ZFYVE28: variants seen among roughly 807,000 people sequenced by gnomAD.
ZFYVE28 encodes the protein lateral signaling target protein 2 homolog.
Under a neutral mutation model 82.1 loss-of-function variants are expected in ZFYVE28, and 40 were observed. That is an observed-to-expected ratio of 0.49 (90% CI 0.38 to 0.63). The LOEUF (loss-of-function observed/expected upper bound fraction) is 0.63. Ranked by LOEUF, ZFYVE28 falls within the 30% of genes least tolerant of loss-of-function variation. The pLI is 0.00. For missense variants in ZFYVE28, 1,321 were observed against 1,242.1 expected (o/e 1.06, Z -0.96); for synonymous variants, 612 against 546.1 (o/e 1.12, Z -1.68).
intron 2 of ZFYVE28, among the ~76,000 whole-genome samples, chr4:2,348,568 A>G (rs1578198526): frequency 6.6e-6 from 1 of 152,374 alleles, no homozygotes; most frequent in Non-Finnish European, 1.5e-5. Context: ...TAAAAGGATA[A>G]TGTACCATGA....
chr4:2,308,661 G>A (rs1489838703), intron 7 of ZFYVE28, among the ~76,000 whole-genome samples: 1 of 100,022 alleles, frequency 1.0e-5, no homozygotes, highest in African/African-American at 4.3e-5. Context: ...AAGAAAGAAA[G>A]AAAGAAAGAA....
At chr4:2,347,871 T>G (rs759486179) in intron 2 of ZFYVE28, among the ~76,000 whole-genome samples, 2 of 152,100 alleles carry the variant, frequency 1.3e-5, no homozygotes, top group Non-Finnish European at 2.9e-5. Flanking sequence ...ATAAAGGTTC[T>G]GTTTTTAAGT....
chr4:2,414,607 CCCAGCCAG>C (rs1280114118), intron 1 of ZFYVE28, among the ~76,000 whole-genome samples: 9 of 152,192 alleles, frequency 5.9e-5, no homozygotes, highest in Non-Finnish European at 1.0e-4. Flanking sequence ...ACCCCATCCA[CCCAGCCAG>C]CATAACCCAC....
chr4:2,325,721 C>A (rs878871722), intron 6 of ZFYVE28, among the ~76,000 whole-genome samples: 1 of 151,494 alleles, frequency 6.6e-6, no homozygotes, highest in Admixed American at 6.6e-5. Context: ...CTCGTCTTAG[C>A]CTCCGAAGTG....
At chr4:2,326,096 C>G (rs1360896040) in intron 6 of ZFYVE28, among the ~76,000 whole-genome samples, 1 of 152,136 alleles carries the variant, frequency 6.6e-6, no homozygotes, top group African/African-American at 2.4e-5. Context: ...CTTCTCTTAC[C>G]TGCACTTTGG....
intron 2 of ZFYVE28, among the ~76,000 whole-genome samples, chr4:2,343,849 G>C (rs975779438): frequency 1.3e-5 from 2 of 152,234 alleles, no homozygotes; most frequent in African/African-American, 2.4e-5. Flanking sequence ...GAACATAGCT[G>C]CCTGAGGGAA....
intron 1 of ZFYVE28, among the ~76,000 whole-genome samples, chr4:2,376,436 ACT>A (rs759020629): frequency 9.3e-5 from 14 of 150,452 alleles, no homozygotes; most frequent in Non-Finnish European, 1.6e-4. Flanking sequence ...CCATTCTCAC[ACT>A]GTTATGAAGA....
At chr4:2,364,187 C>T (rs1726543971) in intron 1 of ZFYVE28, among the ~76,000 whole-genome samples, 1 of 152,222 alleles carries the variant, frequency 6.6e-6, no homozygotes, top group African/African-American at 2.4e-5. Flanking sequence ...AAGGTGTTGC[C>T]TGGTGTGGCA....
At chr4:2,404,863 T>C (rs796495718) in intron 1 of ZFYVE28, among the ~76,000 whole-genome samples, 6 of 125,840 alleles carry the variant, frequency 4.8e-5, no homozygotes, top group Non-Finnish European at 7.1e-5. Context: ...CGCTCTTTTT[T>C]TTTTTTTTTT....
At chr4:2,280,654 G>C (rs915995742) in intron 8 of ZFYVE28, among the ~76,000 whole-genome samples, 3 of 152,230 alleles carry the variant, frequency 2.0e-5, no homozygotes, top group African/African-American at 7.2e-5. Flanking sequence ...ATTTTCTAAA[G>C]TCTCATCGCG....
In ZFYVE28 at chr4:2,339,075, G is replaced by A. The variant is rs971321088; in HGVS notation, c.521+378C>T. Among the ~76,000 whole-genome samples the A allele has an allele frequency of 6.6e-6, 1 of 152,170 alleles. No homozygotes were observed. Among genetic ancestry groups the A allele is most frequent in the Admixed American group, 6.5e-5 (1 of 15,288 alleles). ...GATCCGCCTGCCTCGGCCTCTCAAC[G>A]TGCTGGGATTACAGGCGTGAGCCAC... On this transcript the variant is annotated intron_variant, in intron 4 of 12. Transcript: ENST00000290974. This position sits in a 1 kb window ranked among gnomAD's most constrained non-coding sequence, Gnocchi z 5.0.
chr4:2,330,400 C>CAGAGG (rs1720480245), intron 6 of ZFYVE28: 35 of 1,031,830 alleles, frequency 3.4e-5, no homozygotes, highest in Non-Finnish European at 4.0e-5. Flanking sequence ...GGGGACAGTG[C>CAGAGG]AGAGGAGAGG....
intron 7 of ZFYVE28, among the ~76,000 whole-genome samples, chr4:2,306,230 C>T (rs1716548731): frequency 6.6e-6 from 1 of 152,232 alleles, no homozygotes; most frequent in Non-Finnish European, 1.5e-5. Context: ...GAGCAGGCTC[C>T]TACAGGCCGA....
chr4:2,308,960 T>A (rs1235440880), intron 7 of ZFYVE28, among the ~76,000 whole-genome samples: 1 of 152,206 alleles, frequency 6.6e-6, no homozygotes, highest in Non-Finnish European at 1.5e-5. Flanking sequence ...GTCTTGGACA[T>A]CGTTAATTTG....
At position 2,418,482 on chromosome 4, in the gene ZFYVE28, C is replaced by CGGGCAGGTGCGCG. The variant is rs949794229; in HGVS notation, c.-172_-160dup. The CGGGCAGGTGCGCG allele has an allele frequency of 2.5e-6, 1 of 400,316 alleles. No individual in the cohort carries two copies. The highest frequency in any genetic ancestry group is 3.4e-6 in the Non-Finnish European group (1 of 290,884). 24.8% of individuals were successfully genotyped at this position (400,316 alleles called of 1,614,324 possible). On this transcript the variant is annotated 5_prime_UTR_variant, in exon 1 of 13. Coordinates refer to ENST00000290974, the MANE Select transcript of ZFYVE28 (RefSeq NM_020972.3). The surrounding 1 kb of genome is among the most constrained non-coding windows in gnomAD (Gnocchi z 4.6). ...GAAGCCCGGAGCGCCGAGCGGGCGGCGGGCAGGTGCGCGGGGCAGGTGCGC... is the reference window on the plus strand; with the variant it reads ...GAAGCCCGGAGCGCCGAGCGGGCGGCGGGCAGGTGCGCGGGGCAGGTGCGCGGGGCAGGTGCGC...
chr4:2,278,796 T>A (rs1222021844), intron 8 of ZFYVE28, among the ~76,000 whole-genome samples: 3 of 150,574 alleles, frequency 2.0e-5, no homozygotes, highest in Non-Finnish European at 4.4e-5. Flanking sequence ...CGGATTTGAA[T>A]AGACATTTTT....
chr4:2,398,935 G>A (rs1273512747), intron 1 of ZFYVE28, among the ~76,000 whole-genome samples: 4 of 122,036 alleles, frequency 3.3e-5, no homozygotes, highest in African/African-American at 1.3e-4. Flanking sequence ...ACAAGCGGGG[G>A]CAAGATCGAG....
At chr4:2,276,181 C>G (rs1736423571) in intron 8 of ZFYVE28, among the ~76,000 whole-genome samples, 2 of 152,014 alleles carry the variant, frequency 1.3e-5, no homozygotes, top group Non-Finnish European at 2.9e-5. Flanking sequence ...TGGAGCTGCA[C>G]GGGGCCCCCT....
intron 7 of ZFYVE28, chr4:2,306,984 G>A (rs987090396): frequency 6.6e-6 from 1 of 152,294 alleles, no homozygotes; most frequent in Non-Finnish European, 1.5e-5. Context: ...TGGGACTGCT[G>A]AGCCTGACAG....
Sources: allele counts gnomAD v4.1 joint callset (sites outside exome capture counted in the v4.1 genomes callset), GRCh38; gene constraint gnomAD v4.1.1; non-coding constraint Gnocchi (gnomAD v3.1); transcripts MANE v1.5; gene names NCBI Gene and HGNC (gene_info 2026-07-23, HGNC 2026-07-21).